Variants in STXBP4 observed in about 807,000 individuals in gnomAD.
STXBP4 encodes the protein syntaxin-binding protein 4.
In STXBP4, 55 loss-of-function variants were observed where a neutral mutation model predicts 76.1. That is an observed-to-expected ratio of 0.72 (90% CI 0.58 to 0.91). STXBP4 has a LOEUF of 0.91. STXBP4 is among the 40% of genes least tolerant of loss of function. The probability of loss-of-function intolerance (pLI) is 0.00; values close to 1 mark genes in which losing one functional copy is unlikely to be tolerated. For synonymous variants in STXBP4, 201 were observed against 220.2 expected, an observed-to-expected ratio of 0.91 and a Z score of 0.77; for missense variants, 618 against 636.9, an observed-to-expected ratio of 0.97 and a Z score of 0.32.
chr17:55,113,922 T>G (rs1024876181), intron 16 of STXBP4, among the ~76,000 whole-genome samples: 6 of 152,128 alleles, frequency 3.9e-5, no homozygotes, highest in African/African-American at 1.4e-4. Flanking sequence ...ATCCTACCTC[T>G]GCCTCCTACA....
At chr17:55,156,884 A>G (rs930269053) in intron 17 of STXBP4, among the ~76,000 whole-genome samples, 20 of 152,196 alleles carry the variant, frequency 1.3e-4, no homozygotes, top group Non-Finnish European at 4.4e-5. Flanking sequence ...GGTTACTGGC[A>G]AAGATGACCA....
chr17:55,086,279 A>C (rs2079327381), intron 16 of STXBP4, among the ~76,000 whole-genome samples: 1 of 152,136 alleles, frequency 6.6e-6, no homozygotes, highest in African/African-American at 2.4e-5. Flanking sequence ...TTGACAAGTA[A>C]TAATTGTATG....
At chr17:55,150,932 A>G (rs902669909) in intron 17 of STXBP4, among the ~76,000 whole-genome samples, 19 of 152,226 alleles carry the variant, frequency 1.2e-4, no homozygotes, top group African/African-American at 4.6e-4. Flanking sequence ...AATGGGTCCA[A>G]TCACGTGACT....
intron 13 of STXBP4, among the ~76,000 whole-genome samples, chr17:55,075,602 G>T (rs2079172601): frequency 6.6e-6 from 1 of 152,134 alleles, no homozygotes; most frequent in Non-Finnish European, 1.5e-5. Flanking sequence ...ACTTGTGCTT[G>T]AAAGTGTTTG....
chr17:55,128,130 A>G (rs1002382999), intron 16 of STXBP4, among the ~76,000 whole-genome samples: 1 of 152,208 alleles, frequency 6.6e-6, no homozygotes, highest in Non-Finnish European at 1.5e-5. Flanking sequence ...GATTCACTAA[A>G]TCATCAGTCT....
At chr17:55,069,170 A>T (rs74877331) in intron 12 of STXBP4, among the ~76,000 whole-genome samples, 12 of 152,004 alleles carry the variant, frequency 7.9e-5, no homozygotes, top group East Asian at 5.8e-4. Flanking sequence ...AAAAAAAAAA[A>T]AATAAGCTAG....
At chr17:55,174,704 T>G (rs1357104434), downstream of STXBP4, among the ~76,000 whole-genome samples, 1 of 152,198 alleles carries the variant, frequency 6.6e-6, no homozygotes, top group African/African-American at 2.4e-5. Context: ...TCTGTTTAGG[T>G]TGGCCTAGAC....
At chr17:55,109,472 A>G (rs1267589718) in intron 16 of STXBP4, among the ~76,000 whole-genome samples, 1 of 152,146 alleles carries the variant, frequency 6.6e-6, no homozygotes, top group Non-Finnish European at 1.5e-5. Context: ...TCAAGGATCT[A>G]TCCATTTACA....
intron 12 of STXBP4, among the ~76,000 whole-genome samples, chr17:55,061,238 C>A (rs1360443762): frequency 6.6e-6 from 1 of 152,140 alleles, no homozygotes; most frequent in African/African-American, 2.4e-5. Flanking sequence ...TTAAATGTGT[C>A]TTTAAAAGGA....
At chr17:55,121,793 A>G (rs552293909) in intron 16 of STXBP4, among the ~76,000 whole-genome samples, 70 of 151,896 alleles carry the variant, frequency 4.6e-4, no homozygotes, top group African/African-American at 1.6e-3. Flanking sequence ...TGCTTGGGGA[A>G]ACTTTTAATT....
Position 54,971,783 on chromosome 17 carries a change from TTTTTTATTTTTA to T in STXBP4, c.-157+2986_-157+2997del, listed in dbSNP as rs57706726. Among the ~76,000 whole-genome samples the T allele has an allele frequency of 6.6e-5, 10 of 151,970 alleles. No homozygotes were observed. In the East Asian group the frequency reaches 1.2e-3, roughly 18 times the overall value. ...AGTCTTTTCTTGTCTTTTTCTTTCC[TTTTTTATTTTTA>T]TTTTTATTTTTATTTTTGAGAGACA... On this transcript the variant is annotated intron_variant, in intron 1 of 17. Transcript: ENST00000376352.
At chr17:55,157,308 G>A (rs1318463308) in intron 17 of STXBP4, among the ~76,000 whole-genome samples, 1 of 152,168 alleles carries the variant, frequency 6.6e-6, no homozygotes, top group African/African-American at 2.4e-5. Context: ...ACAGGGTGAT[G>A]TGTCCTCATT....
At chr17:55,157,701 C>T (rs865997565) in intron 17 of STXBP4, among the ~76,000 whole-genome samples, 2 of 152,114 alleles carry the variant, frequency 1.3e-5, no homozygotes, top group South Asian at 2.1e-4. Context: ...AATATTTAAA[C>T]AGAGGAGCTG....
chr17:55,026,284 A>G (rs559057815), intron 8 of STXBP4, among the ~76,000 whole-genome samples: 1 of 152,326 alleles, frequency 6.6e-6, no homozygotes, highest in African/African-American at 2.4e-5. Flanking sequence ...ATCCATTTGT[A>G]TGGAAATGCA....
In STXBP4 at chr17:55,049,886, G is replaced by C. The variant is rs145054340; in HGVS notation, c.1011+2732G>C. Reference sequence around the variant, plus strand: ...TATCAAGAAACTATTCTAGATAAAAGGACCAGGCAAGATGGTTTCACAGAG... The same window carrying C: ...TATCAAGAAACTATTCTAGATAAAACGACCAGGCAAGATGGTTTCACAGAG... On this transcript the variant is annotated intron_variant, in intron 12 of 17. Coordinates refer to ENST00000376352, the MANE Select transcript of STXBP4 (RefSeq NM_178509.6). Among the ~76,000 whole-genome samples the C allele has an allele frequency of 3.1e-3, 479 of 152,076 alleles. 12 individuals are homozygous for C. Among genetic ancestry groups the C allele is most frequent in the East Asian group, 0.025 (128 of 5,170 alleles).
At chr17:55,121,066 T>G (rs1378732213) in intron 16 of STXBP4, among the ~76,000 whole-genome samples, 1 of 152,162 alleles carries the variant, frequency 6.6e-6, no homozygotes, top group East Asian at 1.9e-4. Flanking sequence ...ATGAAATGAA[T>G]TAAATATTCA....
the STXBP4 span, among the ~76,000 whole-genome samples, chr17:55,185,189 T>TTTC: frequency 3.5e-3 from 310 of 87,752 alleles, 20 homozygotes; most frequent in Non-Finnish European, 4.0e-3. Flanking sequence ...TCTTCTTCTT[T>TTTC]TTCTTCTTCT....
the STXBP4 span, among the ~76,000 whole-genome samples, chr17:55,194,854 A>T: frequency 6.6e-6 from 1 of 152,222 alleles, no homozygotes; most frequent in Non-Finnish European, 1.5e-5. Flanking sequence ...GGCACCATTT[A>T]CATAGAAGAT....
chr17:55,134,042 C>T (rs2080000592), intron 16 of STXBP4, among the ~76,000 whole-genome samples: 1 of 151,502 alleles, frequency 6.6e-6, no homozygotes, highest in African/African-American at 2.4e-5. Flanking sequence ...TTTTTATGCC[C>T]ATGGTAATGA....
Sources: gnomAD v4.1 joint callset for allele counts (sites outside exome capture counted in the v4.1 genomes callset) on GRCh38, gnomAD v4.1.1 for gene constraint, MANE v1.5 for transcripts, NCBI Gene and HGNC (gene_info 2026-07-23, HGNC 2026-07-21) for gene names.